Variants in USP46 observed in about 807,000 individuals in gnomAD.
USP46 encodes the protein ubiquitin carboxyl-terminal hydrolase 46.
In USP46, 12 loss-of-function variants were observed where a neutral mutation model predicts 44.4. That is an observed-to-expected ratio of 0.27 (90% CI 0.17 to 0.44). USP46 has a LOEUF of 0.44. Among genes scored for constraint, USP46 ranks in the 20% least tolerant of loss-of-function variants. The pLI is 1.00. For missense variants in USP46, 248 were observed against 444.8 expected, an observed-to-expected ratio of 0.56 and a Z score of 3.98; for synonymous variants, 155 against 161.5, an observed-to-expected ratio of 0.96 and a Z score of 0.31.
chr4:52,599,825 C>T (rs1199034872), intron 7 of USP46, among the ~76,000 whole-genome samples: 1 of 152,196 alleles, frequency 6.6e-6, no homozygotes, highest in Non-Finnish European at 1.5e-5. Context: ...CCTCCAGCTA[C>T]TGTCTCCCTT....
chr4:52,628,178 G>C lies in USP46; in HGVS notation c.118-15C>G. ...GTGTTTCCAAACTGCCAAGGGACAA[G>C]AGGGATGGCTCAAGTCATTGCCTGG... On this transcript the variant is annotated splice_polypyrimidine_tract_variant and intron_variant, in intron 2 of 8. Transcript: ENST00000441222. 6.2e-7 allele frequency: 1 copy of C among 1,611,096 alleles called. No individual in the cohort carries two copies. The highest frequency in any genetic ancestry group is 2.2e-5 in the East Asian group (1 of 44,836).
At chr4:52,603,046 C>T (rs1002469106) in intron 6 of USP46, among the ~76,000 whole-genome samples, 1 of 152,074 alleles carries the variant, frequency 6.6e-6, no homozygotes, top group African/African-American at 2.4e-5. Flanking sequence ...GTGAAAAAGA[C>T]AAATTTTAGA....
intron 5 of USP46, 104 bp downstream of exon 5, chr4:52,610,437 G>A (rs902545244): frequency 1.0e-6 from 1 of 975,070 alleles, no homozygotes; most frequent in Non-Finnish European, 1.6e-6. Context: ...GGATCATATT[G>A]GTTTAACAGA....
intron 1 of USP46, among the ~76,000 whole-genome samples, chr4:52,632,990 A>AAAAAAAGAAAG (rs1553891308): frequency 9.1e-5 from 6 of 66,292 alleles, no homozygotes; most frequent in Admixed American, 1.6e-4. Flanking sequence ...GAAAGAAAAG[A>AAAAAAAGAAAG]AAAGAAAGAA....
At chr4:52,613,391 C>T (rs976117398) in intron 4 of USP46, among the ~76,000 whole-genome samples, 2 of 152,152 alleles carry the variant, frequency 1.3e-5, no homozygotes, top group African/African-American at 4.8e-5. Flanking sequence ...AGATAAGTGC[C>T]TGTTAAAACT....
At chr4:52,632,971 A>AGAAAGAAAGAAAGAAG (rs1717931997) in intron 1 of USP46, among the ~76,000 whole-genome samples, 2 of 78,756 alleles carry the variant, frequency 2.5e-5, no homozygotes. Context: ...AAAGAAAGAA[A>AGAAAGAAAGAAAGAAG]GAAAGAAAGA....
intron 4 of USP46, among the ~76,000 whole-genome samples, chr4:52,616,526 C>G (rs750400252): frequency 2.0e-5 from 3 of 152,196 alleles, no homozygotes; most frequent in Non-Finnish European, 4.4e-5. Context: ...GCATGGGCCA[C>G]CACACCCGTC....
intron 5 of USP46, among the ~76,000 whole-genome samples, chr4:52,609,805 C>A (rs558869748): frequency 3.3e-5 from 5 of 149,308 alleles, no homozygotes; most frequent in African/African-American, 9.9e-5. Context: ...TTTCCAAGTG[C>A]CTCTAGCCTG....
intron 5 of USP46, among the ~76,000 whole-genome samples, chr4:52,610,304 A>C (rs917640445): frequency 1.3e-5 from 2 of 152,110 alleles, no homozygotes; most frequent in Non-Finnish European, 2.9e-5. Flanking sequence ...GCTGATCTCA[A>C]ATCTACAGCC....
chr4:52,659,002 G>A lies in USP46; in HGVS notation c.36+113C>T, dbSNP rs951936984. The stretch of plus-strand genomic sequence containing the variant: ...TCGGGGGCCGGGAACTTCTGGCGGC[G>A]CGGACCCCGCCGCCCCCGCCGCCCC... On this transcript the variant is annotated intron_variant, in intron 1 of 8. Coordinates refer to ENST00000441222, the MANE Select transcript of USP46 (RefSeq NM_022832.4). The surrounding 1 kb of genome is among the most constrained non-coding windows in gnomAD (Gnocchi z 4.2). 4 of 1,333,360 alleles carry A rather than the reference G, an allele frequency of 3.0e-6. No homozygotes were observed. The highest frequency in any genetic ancestry group is 3.2e-5 in the South Asian group (2 of 62,916). The allele number at this position is 1,333,360 out of a possible 1,614,324, so 82.6% of individuals were successfully genotyped here. A position where few individuals can be genotyped will look rare whatever the true frequency, so the allele number is the denominator to read the frequency against.
chr4:52,656,406 G>C, intron 1 of USP46: 1 of 831,774 alleles, frequency 1.2e-6, no homozygotes, highest in Non-Finnish European at 1.7e-6. Flanking sequence ...TCTCCTCTGG[G>C]AAGGAAGACT....
At chr4:52,604,195 T>G (rs1234203819) in intron 6 of USP46, among the ~76,000 whole-genome samples, 1 of 152,248 alleles carries the variant, frequency 6.6e-6, no homozygotes, top group Non-Finnish European at 1.5e-5. Flanking sequence ...ATAGTGATTA[T>G]ATTTAATCAT....
chr4:52,639,332 C>T (rs1444390447), intron 1 of USP46, among the ~76,000 whole-genome samples: 1 of 152,198 alleles, frequency 6.6e-6, no homozygotes, highest in Non-Finnish European at 1.5e-5. Context: ...TTATTTTTCT[C>T]TCATGTAAGT....
At chr4:52,597,778 A>C in intron 8 of USP46, 37 bp from the exon 9 acceptor site, 1 of 1,406,982 alleles carries the variant, frequency 7.1e-7, no homozygotes, top group Non-Finnish European at 9.7e-7. Flanking sequence ...ACAATTACTT[A>C]ACATGATTCC....
intron 1 of USP46, among the ~76,000 whole-genome samples, chr4:52,645,749 G>C (rs944523017): frequency 3.9e-5 from 6 of 152,190 alleles, no homozygotes; most frequent in African/African-American, 1.4e-4. Context: ...GTTTGGCTCT[G>C]TGTCCCCACC....
intron 8 of USP46, among the ~76,000 whole-genome samples, chr4:52,598,069 T>G (rs1716314594): frequency 6.6e-6 from 1 of 152,228 alleles, no homozygotes; most frequent in Non-Finnish European, 1.5e-5. Flanking sequence ...CCACCAGAGT[T>G]CATCTCTTTT....
chr4:52,610,996 A>G (rs770325029), intron 4 of USP46, among the ~76,000 whole-genome samples: 30 of 152,252 alleles, frequency 2.0e-4, no homozygotes, highest in Non-Finnish European at 4.1e-4. Flanking sequence ...TATAAAATCT[A>G]CCACCCAGAT....
intron 1 of USP46, among the ~76,000 whole-genome samples, chr4:52,640,763 G>C (rs1450825780): frequency 1.4e-5 from 2 of 146,464 alleles, no homozygotes; most frequent in African/African-American, 5.1e-5. Context: ...CCAAGATCAC[G>C]CCACGGCACT....
At chr4:52,631,036 A>G in intron 2 of USP46, 28 bp downstream of exon 2, 1 of 1,540,112 alleles carries the variant, frequency 6.5e-7, no homozygotes, top group Non-Finnish European at 8.8e-7. Context: ...AAAACATTTG[A>G]TGAAAATAAT....
Sources: allele counts gnomAD v4.1 joint callset (sites outside exome capture counted in the v4.1 genomes callset), GRCh38; gene constraint gnomAD v4.1.1; non-coding constraint Gnocchi (gnomAD v3.1); transcripts MANE v1.5; gene names NCBI Gene and HGNC (gene_info 2026-07-23, HGNC 2026-07-21).